The following VPS13B variants were observed in gnomAD, a reference collection of about 807,000 sequenced individuals.
VPS13B encodes vacuolar protein sorting 13 homolog B.
In VPS13B, 285 loss-of-function variants were observed where a neutral mutation model predicts 426.4. That is an observed-to-expected ratio of 0.67 (90% CI 0.61 to 0.74). VPS13B has a LOEUF of 0.74. Ranked by LOEUF, VPS13B falls within the 30% of genes least tolerant of loss-of-function variation. The pLI is 0.00. For synonymous variants in VPS13B, 1,676 were observed against 1,676.4 expected, an observed-to-expected ratio of 1.00 and a Z score of 0.01; for missense variants, 4,537 against 4,782.6, an observed-to-expected ratio of 0.95 and a Z score of 1.51.
At chr8:99,707,799 C>T (rs1281787456) in intron 36 of VPS13B, among the ~76,000 whole-genome samples, 1 of 152,084 alleles carries the variant, frequency 6.6e-6, no homozygotes. Context: ...AGAGGTTAAG[C>T]GGTTTGCCCA....
Position 99,111,080 on chromosome 8 carries a change from G to GTT in VPS13B, c.581-10_581-9dup. The GTT allele has an allele frequency of 4.5e-6, 7 of 1,569,686 alleles. No homozygotes were observed. Among genetic ancestry groups the GTT allele is most frequent in the South Asian group, 2.4e-5 (2 of 84,816 alleles). On this transcript the variant is annotated splice_polypyrimidine_tract_variant and intron_variant, in intron 5 of 61. Coordinates refer to ENST00000357162, the MANE Select transcript of VPS13B (RefSeq NM_152564.5). ...GCTAATTTTCCTTTTTACTTAAAAT[G>GTT]TTTTTTTTTCTTTTTAGCAACTGAT...
At chr8:99,188,053 A>ATTTTTTTTTT (rs60360700) in intron 16 of VPS13B, among the ~76,000 whole-genome samples, 1 of 112,766 alleles carries the variant, frequency 8.9e-6, no homozygotes, top group Non-Finnish European at 1.8e-5. Context: ...TTGTTTGGAC[A>ATTTTTTTTTT]TTTTTTTTTT....
rs1817738438 is a variant in VPS13B at position 99,877,294 on chromosome 8, G to C, written c.*1628G>C. 3 of 152,620 alleles carry C rather than the reference G, an allele frequency of 2.0e-5. No individual in the cohort carries two copies. Among genetic ancestry groups the C allele is most frequent in the Non-Finnish European group, 4.4e-5 (3 of 68,032 alleles). The allele number at this position is 152,620 out of a possible 1,614,324, so 9.5% of individuals were successfully genotyped here. A position where few individuals can be genotyped will look rare whatever the true frequency, so the allele number is the denominator to read the frequency against. On this transcript the variant is annotated 3_prime_UTR_variant, in exon 62 of 62. Transcript: ENST00000357162. ...GTTTGTTCTGTAAATATTTAGAAAA[G>C]TGACAGCTGTCAACCTCAGAGTAAC...
chr8:99,589,701 A>T lies in VPS13B; in HGVS notation c.5220+12068A>T, dbSNP rs190721486. 6.2e-3 allele frequency among the ~76,000 whole-genome samples: 945 copies of T among 152,164 alleles called. 6 individuals carry two copies. Among genetic ancestry groups the T allele is most frequent in the Middle Eastern group, 0.017 (5 of 294 alleles). On this transcript the variant is annotated intron_variant, in intron 33 of 61. Transcript: ENST00000357162. ...GTGTCTTTATAGCAGCATGATTTAT[A>T]ATCCTTTGGGTATATACCCAGTAAT...
chr8:99,627,637 G>C (rs539645608), intron 33 of VPS13B, among the ~76,000 whole-genome samples: 188 of 152,266 alleles, frequency 1.2e-3, no homozygotes, highest in African/African-American at 4.3e-3. Context: ...GCCTGCCTCA[G>C]CCTCCCCAAG....
intron 39 of VPS13B, among the ~76,000 whole-genome samples, chr8:99,737,106 C>CTTGTTT (rs1833866511): frequency 2.3e-5 from 1 of 44,360 alleles, no homozygotes; most frequent in Non-Finnish European, 4.0e-5. Flanking sequence ...AGATGTCCTT[C>CTTGTTT]TTTTTTTTTT....
chr8:99,568,654 A>G (rs1410660551), intron 31 of VPS13B, among the ~76,000 whole-genome samples: 1 of 152,146 alleles, frequency 6.6e-6, no homozygotes, highest in Non-Finnish European at 1.5e-5. Flanking sequence ...TCCCATTAAT[A>G]TAAACAGAAG....
chr8:99,074,783 G>A (rs1424113111), intron 3 of VPS13B, among the ~76,000 whole-genome samples: 1 of 151,908 alleles, frequency 6.6e-6, no homozygotes. Flanking sequence ...CTACAGGTGT[G>A]TGCCACCACA....
intron 25 of VPS13B, among the ~76,000 whole-genome samples, chr8:99,482,373 A>C (rs1820089806): frequency 6.6e-6 from 1 of 152,222 alleles, no homozygotes; most frequent in Non-Finnish European, 1.5e-5. Context: ...CCAGAAATGA[A>C]AATGAAAAAT....
At chr8:99,344,794 A>G (rs973077765) in intron 19 of VPS13B, among the ~76,000 whole-genome samples, 2 of 151,376 alleles carry the variant, frequency 1.3e-5, no homozygotes, top group Non-Finnish European at 1.5e-5. Context: ...CTTGGCAATT[A>G]TATGTGTGGC....
chr8:99,856,307 A>G (rs981894953), intron 56 of VPS13B, among the ~76,000 whole-genome samples: 4 of 152,332 alleles, frequency 2.6e-5, no homozygotes, highest in South Asian at 4.1e-4. Context: ...CTAAAAATCT[A>G]TGGACAATCT....
intron 3 of VPS13B, among the ~76,000 whole-genome samples, chr8:99,054,392 T>C (rs544522929): frequency 5.5e-4 from 84 of 152,386 alleles, no homozygotes; most frequent in Middle Eastern, 3.4e-3. Context: ...TTGACCATTT[T>C]AAAATTCAAT....
chr8:99,118,881 A>C (rs1433726578), intron 7 of VPS13B, among the ~76,000 whole-genome samples: 1 of 152,212 alleles, frequency 6.6e-6, no homozygotes, highest in Non-Finnish European at 1.5e-5. Context: ...TCACGTAGAC[A>C]TGTGCTATTC....
chr8:99,338,499 G>A (rs2133177496), intron 19 of VPS13B, among the ~76,000 whole-genome samples: 1 of 152,110 alleles, frequency 6.6e-6, no homozygotes, highest in Non-Finnish European at 1.5e-5. Flanking sequence ...TACTTACTGA[G>A]AAAATAAGAT....
intron 3 of VPS13B, among the ~76,000 whole-genome samples, chr8:99,076,475 T>C (rs1285037877): frequency 6.6e-6 from 1 of 152,200 alleles, no homozygotes; most frequent in Admixed American, 6.5e-5. Context: ...CCACTATTAT[T>C]GTATTGGAGC....
chr8:99,582,334 A>G (rs1177060169), intron 33 of VPS13B, among the ~76,000 whole-genome samples: 1 of 152,214 alleles, frequency 6.6e-6, no homozygotes, highest in East Asian at 1.9e-4. Flanking sequence ...ATTCTGCCCA[A>G]CAGTCAGCCA....
chr8:99,816,532 A>C (rs1474254135), intron 44 of VPS13B, among the ~76,000 whole-genome samples: 1 of 152,192 alleles, frequency 6.6e-6, no homozygotes, highest in Non-Finnish European at 1.5e-5. Context: ...TAGGCCAGGC[A>C]CAGTAGCTCA....
intron 17 of VPS13B, among the ~76,000 whole-genome samples, chr8:99,249,692 G>A (rs1817403988): frequency 6.6e-6 from 1 of 152,038 alleles, no homozygotes; most frequent in Non-Finnish European, 1.5e-5. Flanking sequence ...CAAAGTGCTG[G>A]GATTACAGAT....
chr8:99,307,237 A>G (rs1034928344), intron 19 of VPS13B, among the ~76,000 whole-genome samples: 1 of 152,078 alleles, frequency 6.6e-6, no homozygotes, highest in African/African-American at 2.4e-5. Context: ...GTATATATTT[A>G]TTTGACTTCA....
Sources: allele counts gnomAD v4.1 joint callset (sites outside exome capture counted in the v4.1 genomes callset), GRCh38; gene constraint gnomAD v4.1.1; transcripts MANE v1.5; gene names NCBI Gene and HGNC (gene_info 2026-07-23, HGNC 2026-07-21).